TENM2: variants seen among roughly 807,000 people sequenced by gnomAD.
TENM2 encodes teneurin transmembrane protein 2.
A neutral mutation model predicts 245.2 loss-of-function variants in TENM2; 52 were observed. The observed-to-expected ratio is 0.21, with a 90% CI of 0.17 to 0.27. TENM2 has a LOEUF of 0.27. TENM2 is among the 10% of genes least tolerant of loss of function. The pLI is 1.00. For missense variants in TENM2, 3,046 were observed against 3,666.8 expected (o/e 0.83, Z 4.37); for synonymous variants, 1,363 against 1,438.9 (o/e 0.95, Z 1.19).
intron 3 of TENM2, among the ~76,000 whole-genome samples, chr5:167,900,253 T>C (rs1309842059): frequency 6.6e-6 from 1 of 151,678 alleles, no homozygotes; most frequent in Non-Finnish European, 1.5e-5. Flanking sequence ...TGGTGAGCTA[T>C]GAAACAGCAT....
At chr5:167,702,002 G>T (rs1020665666) in intron 2 of TENM2, among the ~76,000 whole-genome samples, 3 of 152,052 alleles carry the variant, frequency 2.0e-5, no homozygotes, top group Non-Finnish European at 1.5e-5. Flanking sequence ...AACCCATCAG[G>T]CTTATTCAAT....
rs10475848 is a variant in TENM2, at chr5:167,501,674, C to T, written c.502+126201C>T. On this transcript the variant is annotated intron_variant, in intron 2 of 28. Coordinates refer to ENST00000518659, the Ensembl canonical transcript of TENM2. Reference sequence around the variant, plus strand: ...CAATAGTAAGGACTCTCTAGTTGCCCTGAATCAGGTTGAGAAAGTGTGAGG... The same window carrying T: ...CAATAGTAAGGACTCTCTAGTTGCCTTGAATCAGGTTGAGAAAGTGTGAGG... Among the ~76,000 whole-genome samples the T allele has an allele frequency of 7.9e-3, 1,209 of 152,198 alleles. 20 individuals carry two copies. Among genetic ancestry groups the T allele is most frequent in the African/African-American group, 0.028 (1,146 of 41,526 alleles).
intron 2 of TENM2, among the ~76,000 whole-genome samples, chr5:167,687,712 A>G (rs1387526470): frequency 6.6e-6 from 1 of 152,242 alleles, no homozygotes; most frequent in African/African-American, 2.4e-5. Context: ...TATTTATAGT[A>G]GCAGAATTTG....
In TENM2 at chr5:168,216,763, C is replaced by G. The variant is rs755743086; in HGVS notation, c.4079-5C>G. 6.2e-7 allele frequency: 1 copy of G among 1,613,742 alleles called. No individual in the cohort carries two copies. Among genetic ancestry groups the G allele is most frequent in the Non-Finnish European group, 8.5e-7 (1 of 1,179,698 alleles). On this transcript the variant is annotated splice_region_variant and splice_polypyrimidine_tract_variant and intron_variant, in intron 21 of 28. Transcript: ENST00000518659. ...AGATAAATCCACACCGCTTGTCTTGCTCAGGTATTGCAGTAGACAAGAATG... is the reference window on the plus strand; with the variant it reads ...AGATAAATCCACACCGCTTGTCTTGGTCAGGTATTGCAGTAGACAAGAATG...
At chr5:167,037,791 G>A in the TENM2 span, among the ~76,000 whole-genome samples, 14 of 152,162 alleles carry the variant, frequency 9.2e-5, no homozygotes, top group African/African-American at 3.4e-4. Context: ...GGCAAAGAAG[G>A]GGCCTGTCAC....
intron 1 of TENM2, among the ~76,000 whole-genome samples, chr5:167,299,019 C>T (rs1455841592): frequency 1.3e-5 from 2 of 152,174 alleles, no homozygotes; most frequent in Non-Finnish European, 2.9e-5. Context: ...CTCAAATGGG[C>T]TGTACCCTGT....
At chr5:167,653,313 G>A (rs373518971) in intron 2 of TENM2, 1 of 151,940 alleles carries the variant, frequency 6.6e-6, no homozygotes, top group African/African-American at 2.4e-5. Flanking sequence ...GGAATGCAAG[G>A]GTGAAATCAC....
intron 13 of TENM2, among the ~76,000 whole-genome samples, chr5:168,172,096 C>G (rs1006483271): frequency 6.6e-6 from 1 of 152,162 alleles, no homozygotes; most frequent in African/African-American, 2.4e-5. Context: ...GAAGCATTCA[C>G]GAGTCATGGT....
In TENM2 at chr5:168,223,343, C is replaced by G. The variant is rs143923832; in HGVS notation, c.5109-2745C>G. 9.2e-5 allele frequency among the ~76,000 whole-genome samples: 14 copies of G among 152,288 alleles called. No individual in the cohort carries two copies. The East Asian group carries it at 2.7e-3, about 29-fold the overall frequency. ...ATGTACTTGTCAGCAGGAGGAGAAA[C>G]TGTCTGTTACTGAGTACCGCACTAG... is the stretch of plus-strand genomic sequence containing the variant. On this transcript the variant is annotated intron_variant, in intron 23 of 28. Coordinates refer to ENST00000518659, the Ensembl canonical transcript of TENM2.
At chr5:168,107,686 C>T (rs1794364336) in intron 9 of TENM2, among the ~76,000 whole-genome samples, 1 of 152,224 alleles carries the variant, frequency 6.6e-6, no homozygotes, top group East Asian at 1.9e-4. Context: ...GAGGCCTGAA[C>T]ACTCACTCTA....
chr5:167,596,181 G>GTGTCA (rs1428753487), intron 2 of TENM2, among the ~76,000 whole-genome samples: 1 of 152,142 alleles, frequency 6.6e-6, no homozygotes, highest in Non-Finnish European at 1.5e-5. Context: ...TGCTAATTAG[G>GTGTCA]TGTCAGACCG....
At chr5:167,196,669 C>A in the TENM2 span, among the ~76,000 whole-genome samples, 8 of 151,010 alleles carry the variant, frequency 5.3e-5, no homozygotes, top group South Asian at 2.1e-4. Flanking sequence ...TGGATTCAAC[C>A]AACTATGGAC....
intron 3 of TENM2, among the ~76,000 whole-genome samples, chr5:167,882,113 A>G (rs1351413962): frequency 6.6e-6 from 1 of 152,140 alleles, no homozygotes; most frequent in Non-Finnish European, 1.5e-5. Context: ...ACCTCAGAAT[A>G]TTTGTTTGGC....
At chr5:167,070,021 G>A in the TENM2 span, among the ~76,000 whole-genome samples, 1,435 of 152,100 alleles carry the variant, frequency 9.4e-3, 21 homozygotes, top group African/African-American at 0.032. Context: ...TAAATGTACC[G>A]TCTTAAAGCG....
the TENM2 span, among the ~76,000 whole-genome samples, chr5:167,257,105 A>G: frequency 6.6e-6 from 1 of 152,110 alleles, no homozygotes; most frequent in Admixed American, 6.6e-5. Context: ...TTTCTATCTG[A>G]CAAGCTTATA....
At chr5:167,202,809 C>G in the TENM2 span, among the ~76,000 whole-genome samples, 1 of 152,188 alleles carries the variant, frequency 6.6e-6, no homozygotes, top group Non-Finnish European at 1.5e-5. Context: ...TCCATCCTTC[C>G]CTTGGCTTGC....
intron 3 of TENM2, among the ~76,000 whole-genome samples, chr5:167,940,278 A>G (rs1429877589): frequency 6.6e-6 from 1 of 152,128 alleles, no homozygotes; most frequent in African/African-American, 2.4e-5. Context: ...TTAATTAACT[A>G]ATTCGGTCAT....
chr5:167,719,129 A>G (rs779146408), intron 2 of TENM2, among the ~76,000 whole-genome samples: 1 of 152,228 alleles, frequency 6.6e-6, no homozygotes, highest in Non-Finnish European at 1.5e-5. Flanking sequence ...AAGCAAAGAC[A>G]GGTTGGGAAT....
the TENM2 span, among the ~76,000 whole-genome samples, chr5:167,237,342 T>C: frequency 6.6e-6 from 1 of 152,242 alleles, no homozygotes; most frequent in Admixed American, 6.5e-5. Context: ...TTTTAGGGCA[T>C]GTTATATATT....
Sources: gnomAD v4.1 joint callset for allele counts (sites outside exome capture counted in the v4.1 genomes callset) on GRCh38, gnomAD v4.1.1 for gene constraint, MANE v1.5 for transcripts, NCBI Gene and HGNC (gene_info 2026-07-23, HGNC 2026-07-21) for gene names.